The following QSER1 variants were observed in gnomAD, a reference collection of about 807,000 sequenced individuals.
QSER1 encodes the protein glutamine and serine rich 1.
QSER1 carries 49 observed loss-of-function variants against 158.5 expected under a neutral mutation model. The observed-to-expected ratio is 0.31, with a 90% CI of 0.25 to 0.39. The LOEUF is 0.39. Among genes scored for constraint, QSER1 ranks in the 10% least tolerant of loss-of-function variants. The pLI is 1.00. For missense variants in QSER1, 1,754 were observed against 2,010.3 expected (o/e 0.87, Z 2.44); for synonymous variants, 650 against 715.5 (o/e 0.91, Z 1.46).
intron 10 of QSER1, among the ~76,000 whole-genome samples, chr11:32,972,302 A>G (rs1429273823): frequency 6.6e-6 from 1 of 152,136 alleles, no homozygotes; most frequent in African/African-American, 2.4e-5. Context: ...AGTCATAATC[A>G]AACTAGTTAA....
intron 1 of QSER1, among the ~76,000 whole-genome samples, chr11:32,914,930 T>C (rs1034451175): frequency 4.6e-5 from 7 of 152,194 alleles, no homozygotes; most frequent in Non-Finnish European, 1.0e-4. Flanking sequence ...TTGTTGTTGT[T>C]TTTTGTTTTG....
At chr11:32,929,340 G>A (rs1047377410) in intron 3 of QSER1, among the ~76,000 whole-genome samples, 4 of 152,110 alleles carry the variant, frequency 2.6e-5, no homozygotes, top group South Asian at 2.1e-4. Flanking sequence ...TCAAACTCCT[G>A]ACCTCATTCG....
chr11:32,964,957 C>A (rs1852711646), intron 8 of QSER1, among the ~76,000 whole-genome samples: 1 of 151,676 alleles, frequency 6.6e-6, no homozygotes, highest in African/African-American at 2.4e-5. Flanking sequence ...AACTCCCAGG[C>A]TCAAACAATC....
At chr11:32,952,807 T>C (rs1852445777) in intron 4 of QSER1, among the ~76,000 whole-genome samples, 1 of 151,088 alleles carries the variant, frequency 6.6e-6, no homozygotes, top group Non-Finnish European at 1.5e-5. Context: ...CCAAGTCTTT[T>C]TTTTTTTTTT....
rs1333802761 is a variant in QSER1 at position 32,977,466 on chromosome 11, T to A, written c.*992T>A. ...AATTTTCTAATTCATAAAATAAACTTCTTACTAAACTAGCACTTGATTAAC... is the reference window on the plus strand; with the variant it reads ...AATTTTCTAATTCATAAAATAAACTACTTACTAAACTAGCACTTGATTAAC... On this transcript the variant is annotated 3_prime_UTR_variant, in exon 13 of 13. Transcript: ENST00000650167. 1 of 152,646 alleles carries A rather than the reference T, an allele frequency of 6.6e-6. No individual in the cohort carries two copies. The highest frequency in any genetic ancestry group is 1.9e-4 in the East Asian group (1 of 5,204). The allele number at this position is 152,646 out of a possible 1,614,324, so 9.5% of individuals were successfully genotyped here. A position where few individuals can be genotyped will look rare whatever the true frequency, so the allele number is the denominator to read the frequency against.
rs1852988913 is a variant in QSER1, at chr11:32,976,982, A to G, written c.*508A>G. On this transcript the variant is annotated 3_prime_UTR_variant, in exon 13 of 13. Transcript: ENST00000650167. ...TCCTGTATAAGAATATCATCAATTTAAAATATAAAATTTGGAAACTATTCT... is the reference window on the plus strand; with the variant it reads ...TCCTGTATAAGAATATCATCAATTTGAAATATAAAATTTGGAAACTATTCT... 6.5e-6 allele frequency: 1 copy of G among 152,824 alleles called. No homozygotes were observed. The highest frequency in any genetic ancestry group is 1.5e-5 in the Non-Finnish European group (1 of 68,188). The allele number at this position is 152,824 out of a possible 1,614,324, so 9.5% of individuals were successfully genotyped here. A position where few individuals can be genotyped will look rare whatever the true frequency, so the allele number is the denominator to read the frequency against.
intron 11 of QSER1, among the ~76,000 whole-genome samples, chr11:32,974,156 C>T (rs1590191437): frequency 6.6e-6 from 1 of 152,202 alleles, no homozygotes; most frequent in African/African-American, 2.4e-5. Flanking sequence ...CACAATGGCT[C>T]AAGCCTATAA....
At chr11:32,959,492 A>G (rs1852583130) in intron 8 of QSER1, among the ~76,000 whole-genome samples, 1 of 152,222 alleles carries the variant, frequency 6.6e-6, no homozygotes, top group Non-Finnish European at 1.5e-5. Flanking sequence ...TTGAATTACA[A>G]GACATAATTC....
At chr11:32,946,838 A>G (rs6484613) in intron 4 of QSER1, among the ~76,000 whole-genome samples, 147,814 of 152,100 alleles carry the variant, frequency 0.97, 71,951 homozygotes, top group East Asian at 1. Flanking sequence ...CCTCGCTGCC[A>G]CCTTGCAGTT....
Position 32,934,892 on chromosome 11 carries a change from A to G in QSER1, c.3634A>G (p.Lys1212Glu). ...KKRAKGKGQVKEEDNSNQKQL... is the reference protein window; with the variant it reads ...KKRAKGKGQVEEEDNSNQKQL... ...AAGAGCTAAAGGAAAAGGGCAAGTT[A>G]AAGAGGAAGACAACAGTAATCAGAA... The change falls in exon 4 of 13, where the codon AAA (lysine) becomes GAA (glutamate). Residue 1212 changes from lysine (K) to glutamate (E), a missense_variant. Coordinates refer to ENST00000650167, the MANE Select transcript of QSER1 (RefSeq NM_001076786.3). 6.2e-7 allele frequency: 1 copy of G among 1,613,922 alleles called. No individual in the cohort carries two copies. Among genetic ancestry groups the G allele is most frequent in the Admixed American group, 1.7e-5 (1 of 59,956 alleles).
At chr11:32,915,234 A>C (rs898699605) in intron 1 of QSER1, among the ~76,000 whole-genome samples, 1 of 151,906 alleles carries the variant, frequency 6.6e-6, no homozygotes, top group South Asian at 2.1e-4. Context: ...GAAAATTATA[A>C]TTTTTTTTTA....
At chr11:32,903,856 C>T (rs569284161) in intron 1 of QSER1, among the ~76,000 whole-genome samples, 1 of 152,286 alleles carries the variant, frequency 6.6e-6, no homozygotes, top group African/African-American at 2.4e-5. Context: ...AAGTGATCCA[C>T]CCGCCTTGGC....
intron 1 of QSER1, among the ~76,000 whole-genome samples, chr11:32,900,812 C>A (rs1389550838): frequency 6.6e-6 from 1 of 152,186 alleles, no homozygotes; most frequent in Non-Finnish European, 1.5e-5. Context: ...TTAGGTCTTT[C>A]CCCACATGTT....
At chr11:32,957,613 G>A (rs1182501298) in intron 7 of QSER1, among the ~76,000 whole-genome samples, 1 of 152,144 alleles carries the variant, frequency 6.6e-6, no homozygotes. Context: ...GGAGGGCAAT[G>A]AAGAAGTAGA....
chr11:32,904,546 G>A (rs1407457487), intron 1 of QSER1, among the ~76,000 whole-genome samples: 3 of 149,498 alleles, frequency 2.0e-5, no homozygotes, highest in Admixed American at 1.3e-4. Context: ...TATGGATGCT[G>A]TATAATATGA....
intron 1 of QSER1, among the ~76,000 whole-genome samples, chr11:32,894,357 C>A (rs889939164): frequency 2.6e-5 from 4 of 152,218 alleles, no homozygotes; most frequent in Admixed American, 1.3e-4. Context: ...CCACCTCTCC[C>A]GAACAATACA....
At chr11:32,912,304 C>T (rs1259000519) in intron 1 of QSER1, among the ~76,000 whole-genome samples, 3 of 152,124 alleles carry the variant, frequency 2.0e-5, no homozygotes, top group Admixed American at 6.5e-5. Flanking sequence ...CTGTCTTCCC[C>T]GCAAGTCTTC....
chr11:32,920,399 G>C (rs1158272970), intron 1 of QSER1, among the ~76,000 whole-genome samples: 2 of 152,094 alleles, frequency 1.3e-5, no homozygotes, highest in African/African-American at 4.8e-5. Context: ...CATCCTAAAT[G>C]TAAAAGCTAA....
chr11:32,962,690 A>G (rs1364668946), intron 8 of QSER1, among the ~76,000 whole-genome samples: 1 of 152,182 alleles, frequency 6.6e-6, no homozygotes, highest in Non-Finnish European at 1.5e-5. Context: ...AGCACTCATC[A>G]ATTCTATGAA....
Sources: gnomAD v4.1 joint callset for allele counts (sites outside exome capture counted in the v4.1 genomes callset) on GRCh38, gnomAD v4.1.1 for gene constraint, MANE v1.5 for transcripts, NCBI Gene and HGNC (gene_info 2026-07-23, HGNC 2026-07-21) for gene names.